The following LRMDA variants were observed in gnomAD, a reference collection of about 807,000 sequenced individuals.
The protein encoded by LRMDA is leucine rich melanocyte differentiation associated, also known as leucine-rich melanocyte differentiation-associated protein.
In LRMDA, 18 loss-of-function variants were observed where a neutral mutation model predicts 29.8. That is an observed-to-expected ratio of 0.60 (90% CI 0.42 to 0.90). LRMDA has a LOEUF of 0.90. LRMDA is among the 40% of genes least tolerant of loss of function. The probability of loss-of-function intolerance (pLI) is 0.00; values close to 1 mark genes in which losing one functional copy is unlikely to be tolerated. For synonymous variants in LRMDA, 125 were observed against 109.4 expected (o/e 1.14, Z -0.89); for missense variants, 273 against 273.9 (o/e 1.00, Z 0.02).
rs148942741 is a variant in LRMDA at position 76,279,719 on chromosome 10, G to C, written c.517-44682G>C. On this transcript the variant is annotated intron_variant, in intron 5 of 6. Transcript: ENST00000611255. ...CACCACCATACCCAGCTAATTTTTT[G>C]TATTTTTAGTAGAGACAGGGTTTCA... Among the ~76,000 whole-genome samples the C allele has an allele frequency of 8.9e-3, 1,346 of 151,910 alleles. 16 individuals are homozygous for C. The highest frequency in any genetic ancestry group is 0.031 in the African/African-American group (1,285 of 41,434).
At chr10:76,412,452 A>T (rs916441166) in intron 6 of LRMDA, among the ~76,000 whole-genome samples, 3 of 152,202 alleles carry the variant, frequency 2.0e-5, no homozygotes, top group Non-Finnish European at 4.4e-5. Flanking sequence ...TTTTTGTAGC[A>T]CATGCAGTTT....
Position 76,279,827 on chromosome 10 carries a change from T to C in LRMDA, c.517-44574T>C, listed in dbSNP as rs544877838. 2.2e-4 allele frequency among the ~76,000 whole-genome samples: 34 copies of C among 152,320 alleles called. No homozygotes were observed. The East Asian group carries it at 6.2e-3, about 28-fold the overall frequency. ...CATTGTTTTAAAATGTTACATGTGT[T>C]GTCTAATGTAATACTCATGACACTA... On this transcript the variant is annotated intron_variant, in intron 5 of 6. Transcript: ENST00000611255.
intron 2 of LRMDA, among the ~76,000 whole-genome samples, chr10:75,911,504 T>C (rs935703051): frequency 2.0e-5 from 3 of 152,188 alleles, no homozygotes; most frequent in Non-Finnish European, 4.4e-5. Flanking sequence ...TAGGTACATT[T>C]TCTCAAGAGA....
intron 2 of LRMDA, among the ~76,000 whole-genome samples, chr10:75,442,418 A>G (rs566887259): frequency 6.6e-6 from 1 of 152,310 alleles, no homozygotes; most frequent in Non-Finnish European, 1.5e-5. Flanking sequence ...GAGAAAAGGG[A>G]TCAATTGTTT....
At chr10:76,146,757 G>A (rs1850330519) in intron 5 of LRMDA, among the ~76,000 whole-genome samples, 1 of 152,146 alleles carries the variant, frequency 6.6e-6, no homozygotes, top group Non-Finnish European at 1.5e-5. Flanking sequence ...TTGCTTGTTA[G>A]TTGATGCAGT....
Position 75,967,572 on chromosome 10 carries a change from T to C in LRMDA, c.132-68436T>C, listed in dbSNP as rs568877036. On this transcript the variant is annotated intron_variant, in intron 2 of 6. Transcript: ENST00000611255. ...GTCCTTCAGAGCATGGTAATTATAA[T>C]TTGATAAATCATCAGCAGAAAATTA... Among the ~76,000 whole-genome samples the C allele has an allele frequency of 3.3e-5, 5 of 152,328 alleles. No homozygotes were observed. In the East Asian group the frequency reaches 9.6e-4, roughly 29 times the overall value.
chr10:75,457,528 T>G (rs1050465452), intron 2 of LRMDA, among the ~76,000 whole-genome samples: 5 of 87,884 alleles, frequency 5.7e-5, no homozygotes, highest in Non-Finnish European at 1.2e-4. Context: ...TGCTGTTGTT[T>G]TATTTTCTTC....
chr10:75,657,118 C>G (rs1841686448), intron 2 of LRMDA, among the ~76,000 whole-genome samples: 1 of 152,174 alleles, frequency 6.6e-6, no homozygotes, highest in Non-Finnish European at 1.5e-5. Context: ...AGAAGGCTGT[C>G]CATTTACATA....
chr10:76,240,636 A>G (rs970486763), intron 5 of LRMDA, among the ~76,000 whole-genome samples: 22 of 150,922 alleles, frequency 1.5e-4, no homozygotes, highest in African/African-American at 4.8e-4. Context: ...GTATCTACCC[A>G]GAGGAAAATA....
At chr10:76,238,228 C>T (rs1852197393) in intron 5 of LRMDA, among the ~76,000 whole-genome samples, 1 of 152,120 alleles carries the variant, frequency 6.6e-6, no homozygotes, top group South Asian at 2.1e-4. Context: ...ATTGCCATGG[C>T]ACATGGTGCT....
intron 5 of LRMDA, among the ~76,000 whole-genome samples, chr10:76,227,896 A>G (rs1046429745): frequency 7.2e-5 from 11 of 152,214 alleles, no homozygotes; most frequent in African/African-American, 2.7e-4. Flanking sequence ...ATACCCACAG[A>G]CCACATAGAT....
At chr10:76,521,386 G>A (rs1843119872) in intron 6 of LRMDA, among the ~76,000 whole-genome samples, 1 of 152,018 alleles carries the variant, frequency 6.6e-6, no homozygotes, top group African/African-American at 2.4e-5. Context: ...TGCCCGCCTC[G>A]ACCTCCCAAA....
intron 2 of LRMDA, among the ~76,000 whole-genome samples, chr10:75,872,625 T>C (rs889849783): frequency 6.6e-5 from 10 of 152,178 alleles, no homozygotes; most frequent in Non-Finnish European, 1.3e-4. Context: ...TTCTCTGTTC[T>C]CCAAACATGT....
At chr10:76,394,209 T>C (rs140072899) in intron 6 of LRMDA, among the ~76,000 whole-genome samples, 1 of 152,192 alleles carries the variant, frequency 6.6e-6, no homozygotes, top group Non-Finnish European at 1.5e-5. Context: ...ATAAACCATT[T>C]GTTTAATGGC....
intron 5 of LRMDA, among the ~76,000 whole-genome samples, chr10:76,211,971 T>C (rs2132246539): frequency 6.6e-6 from 1 of 152,256 alleles, no homozygotes; most frequent in African/African-American, 2.4e-5. Flanking sequence ...GTCTCATCAC[T>C]CCTTAACTCT....
chr10:75,599,519 G>A (rs1447530744), intron 2 of LRMDA, among the ~76,000 whole-genome samples: 4 of 152,202 alleles, frequency 2.6e-5, no homozygotes, highest in African/African-American at 7.2e-5. Context: ...CTGGAGGATG[G>A]TCTTATGGTG....
At chr10:76,398,450 C>T (rs1477657434) in intron 6 of LRMDA, among the ~76,000 whole-genome samples, 2 of 152,160 alleles carry the variant, frequency 1.3e-5, no homozygotes, top group Non-Finnish European at 2.9e-5. Flanking sequence ...CATTTCAGTA[C>T]ACCACTGTAA....
intron 2 of LRMDA, chr10:75,451,297 T>C (rs1421813699): frequency 6.6e-6 from 1 of 152,216 alleles, no homozygotes; most frequent in East Asian, 1.9e-4. Flanking sequence ...GAACCGGTGC[T>C]TTCAAACTAA....
intron 2 of LRMDA, among the ~76,000 whole-genome samples, chr10:76,003,138 G>C (rs1847589084): frequency 6.6e-6 from 1 of 152,174 alleles, no homozygotes; most frequent in South Asian, 2.1e-4. Flanking sequence ...CCAGCATTTA[G>C]AAAGCCATCA....
Sources: gnomAD v4.1 joint callset for allele counts (sites outside exome capture counted in the v4.1 genomes callset) on GRCh38, gnomAD v4.1.1 for gene constraint, MANE v1.5 for transcripts, NCBI Gene and HGNC (gene_info 2026-07-23, HGNC 2026-07-21) for gene names.